The following CUBN variants were observed in gnomAD, a reference collection of about 807,000 sequenced individuals.
The protein encoded by CUBN is cubilin, also known as 460 kDa receptor.
In CUBN, 282 loss-of-function variants were observed where a neutral mutation model predicts 405.3. The ratio of observed to expected loss-of-function variants is 0.70; its 90% CI spans 0.63 to 0.77. The LOEUF (loss-of-function observed/expected upper bound fraction) is 0.77, where lower values mean the gene tolerates loss of function less well. CUBN is among the 30% of genes least tolerant of loss of function. The pLI is 0.00. For missense variants in CUBN, 4,514 were observed against 4,475.2 expected (o/e 1.01, Z -0.25); for synonymous variants, 1,684 against 1,617.0 (o/e 1.04, Z -0.99).
At chr10:17,114,422 C>A (rs1836841487) in intron 7 of CUBN, among the ~76,000 whole-genome samples, 1 of 151,986 alleles carries the variant, frequency 6.6e-6, no homozygotes, top group African/African-American at 2.4e-5. Context: ...CCAAAGATGC[C>A]AGGGAAAGAG....
chr10:17,015,204 G>C (rs1454844720), intron 28 of CUBN, among the ~76,000 whole-genome samples: 1 of 152,218 alleles, frequency 6.6e-6, no homozygotes, highest in Non-Finnish European at 1.5e-5. Flanking sequence ...CTTTGATAAG[G>C]AAAAGTGGTG....
Position 16,940,384 on chromosome 10 carries a change from T to G in CUBN, c.5343-147A>C, listed in dbSNP as rs373499150. ...ACATTATTTGGCTGTCTCAAAAAAT[T>G]TCTTTCACTCGGACTTGTTGAAATG... On this transcript the variant is annotated intron_variant, in intron 36 of 66. Transcript: ENST00000377833. 2.7e-5 allele frequency: 21 copies of G among 768,058 alleles called. 1 individual carries two copies. Among genetic ancestry groups the G allele is most frequent in the African/African-American group, 1.6e-4 (9 of 57,600 alleles). 47.6% of individuals were successfully genotyped at this position (768,058 alleles called of 1,614,324 possible). A position where few individuals can be genotyped will look rare whatever the true frequency, so the allele number is the denominator to read the frequency against.
chr10:17,117,747 A>G (rs1167543380), intron 6 of CUBN, among the ~76,000 whole-genome samples: 2 of 152,030 alleles, frequency 1.3e-5, no homozygotes, highest in Admixed American at 6.6e-5. Flanking sequence ...CTTTAAACCA[A>G]CTGTTACTAG....
At chr10:17,004,285 T>C (rs1001310545) in intron 28 of CUBN, among the ~76,000 whole-genome samples, 3 of 152,230 alleles carry the variant, frequency 2.0e-5, no homozygotes, top group African/African-American at 7.2e-5. Context: ...ACTAACGTGG[T>C]ATTTCTTTCA....
chr10:16,838,193 C>T (rs1839231804), intron 62 of CUBN, among the ~76,000 whole-genome samples: 1 of 152,212 alleles, frequency 6.6e-6, no homozygotes, highest in Non-Finnish European at 1.5e-5. Context: ...GCCAGCACAT[C>T]TCACGCCTCT....
intron 59 of CUBN, among the ~76,000 whole-genome samples, chr10:16,851,737 T>C (rs1221870757): frequency 3.2e-5 from 4 of 123,142 alleles, no homozygotes; most frequent in East Asian, 2.8e-4. Context: ...TCCCTCCCTC[T>C]ATCTTTCCCT....
intron 57 of CUBN, among the ~76,000 whole-genome samples, chr10:16,875,637 A>G (rs548668887): frequency 3.3e-5 from 5 of 152,034 alleles, no homozygotes; most frequent in African/African-American, 1.2e-4. Context: ...GGTAGCAATC[A>G]CTCCTTTTCA....
chr10:17,119,227 A>G (rs1297738814), intron 6 of CUBN, among the ~76,000 whole-genome samples: 1 of 152,246 alleles, frequency 6.6e-6, no homozygotes, highest in Non-Finnish European at 1.5e-5. Context: ...AAAATTTACT[A>G]ATCATCATGT....
At chr10:17,078,584 A>G (rs901214765) in intron 17 of CUBN, among the ~76,000 whole-genome samples, 3 of 152,226 alleles carry the variant, frequency 2.0e-5, no homozygotes, top group Admixed American at 2.0e-4. Context: ...TTACTTATTT[A>G]ATATCTATAT....
chr10:16,944,567 G>A (rs994117863), intron 36 of CUBN, among the ~76,000 whole-genome samples: 5 of 152,028 alleles, frequency 3.3e-5, no homozygotes, highest in Non-Finnish European at 7.4e-5. Flanking sequence ...TTTAGACCAG[G>A]GCAGAAATAA....
At position 17,109,635 on chromosome 10, in the gene CUBN, A is replaced by G. The variant is rs199662739; in HGVS notation, c.1111+5T>C. ...CCAAAGCCAAAGAGAGAGATGAGTCATTACCTAGAGTTGAGGAGCATGAGG... is the reference window on the plus strand; with the variant it reads ...CCAAAGCCAAAGAGAGAGATGAGTCGTTACCTAGAGTTGAGGAGCATGAGG... On this transcript the variant is annotated splice_donor_5th_base_variant and intron_variant, in intron 10 of 66. Transcript: ENST00000377833. The G allele has an allele frequency of 7.1e-5, 114 of 1,611,460 alleles. No individual in the cohort carries two copies. The highest frequency in any genetic ancestry group is 3.3e-4 in the Middle Eastern group (2 of 6,070).
At position 16,888,563 on chromosome 10, in the gene CUBN, C is replaced by T. The variant is rs746629780; in HGVS notation, c.8759G>A (p.Cys2920Tyr). The change falls in exon 56 of 67, where the codon TGT becomes TAT. Residue 2920 changes from cysteine to tyrosine, a missense_variant. Around this residue, in one of 5 missense-constraint regions of CUBN, gnomAD observed 1,186 missense variants for 1,186.9 expected, o/e 1.00. Coordinates refer to ENST00000377833, the MANE Select transcript of CUBN (RefSeq NM_001081.4). ...TGAAGGGCCAGTGAAATTACTTCCA[C>T]ATCCTATGTGGGAACAAAAAGTCAT... ...QGFSASFVSR[C>Y]GSNFTGPSGY... 7 of 1,613,462 alleles carry T rather than the reference C, an allele frequency of 4.3e-6. 1 individual carries two copies. The highest frequency in any genetic ancestry group is 3.3e-5 in the South Asian group (3 of 91,066).
At chr10:16,974,206 G>A (rs371703135) in intron 31 of CUBN, among the ~76,000 whole-genome samples, 1 of 152,120 alleles carries the variant, frequency 6.6e-6, no homozygotes, top group Non-Finnish European at 1.5e-5. Context: ...GAAGCTGAAA[G>A]GTTAACTTTC....
rs1842888377 is a variant in CUBN, at chr10:16,950,061, T to G, written c.5020A>C (p.Thr1674Pro). ...ATTTCTACAAAGTCACGTGCACACGTTGTGCTTCTTTCAAGTTCAAAGTGG... is the reference window on the plus strand; with the variant it reads ...ATTTCTACAAAGTCACGTGCACACGGTGTGCTTCTTTCAAGTTCAAAGTGG... ...FTHFELERSTTCARDFVEILD... is the reference protein window; with the variant it reads ...FTHFELERSTPCARDFVEILD... The change falls in exon 34 of 67, where the codon ACG (threonine) becomes CCG (proline). Residue 1674 changes from threonine to proline, a missense_variant. By Grantham distance (38) the Thr-to-Pro change is conservative (BLOSUM62 -1). This residue lies in a region of CUBN where 1,613 missense variants were observed against 1,542.8 expected (regional missense o/e 1.05). Transcript: ENST00000377833. 6.2e-7 allele frequency: 1 copy of G among 1,613,898 alleles called. No homozygotes were observed. Among genetic ancestry groups the G allele is most frequent in the Non-Finnish European group, 8.5e-7 (1 of 1,179,998 alleles).
chr10:17,008,354 GGT>G (rs1554809185), intron 28 of CUBN, among the ~76,000 whole-genome samples: 1 of 125,352 alleles, frequency 8.0e-6, no homozygotes, highest in Non-Finnish European at 1.7e-5. Flanking sequence ...GTGTGTGTGT[GGT>G]GTGTGTGTGT....
chr10:16,933,333 G>A (rs377540451), intron 39 of CUBN, 49 bp from the exon 40 acceptor site: 31 of 1,550,610 alleles, frequency 2.0e-5, no homozygotes, highest in African/African-American at 1.1e-4. Context: ...TGGAAAAGAC[G>A]CTAGCTAGCA....
Position 17,041,305 on chromosome 10 carries a change from TAAA to T in CUBN, c.3830-88_3830-86del. ...GAGATTTTCCTTTAAAAAAAATAAATAAAAATCATCTGTGTATGTACACACACA... is the reference window on the plus strand; with the variant it reads ...GAGATTTTCCTTTAAAAAAAATAAATAATCATCTGTGTATGTACACACACA... On this transcript the variant is annotated intron_variant, in intron 26 of 66. Coordinates refer to ENST00000377833, the MANE Select transcript of CUBN (RefSeq NM_001081.4). The T allele has an allele frequency of 4.4e-6, 5 of 1,134,030 alleles. No individual in the cohort carries two copies. In the Middle Eastern group the frequency reaches 8.2e-4, roughly 187 times the overall value. 70.2% of individuals were successfully genotyped at this position (1,134,030 alleles called of 1,614,324 possible). A position where few individuals can be genotyped will look rare whatever the true frequency, so the allele number is the denominator to read the frequency against.
At chr10:16,890,723 T>C (rs1235862131) in intron 54 of CUBN, among the ~76,000 whole-genome samples, 196 bp from the exon 55 acceptor site, 1 of 152,254 alleles carries the variant, frequency 6.6e-6, no homozygotes, top group Non-Finnish European at 1.5e-5. Context: ...TGTCCCATTC[T>C]TGACTTCTCT....
At chr10:16,840,007 A>G (rs1839293125) in intron 62 of CUBN, among the ~76,000 whole-genome samples, 2 of 145,428 alleles carry the variant, frequency 1.4e-5, no homozygotes, top group South Asian at 4.5e-4. Flanking sequence ...ATAGGTGGGA[A>G]TTGAACAATC....
Sources: allele counts gnomAD v4.1 joint callset (sites outside exome capture counted in the v4.1 genomes callset), GRCh38; gene constraint gnomAD v4.1.1; regional missense constraint gnomAD v4.1.1; transcripts MANE v1.5; gene names NCBI Gene and HGNC (gene_info 2026-07-23, HGNC 2026-07-21).